Variants in CNTNAP5 observed in about 807,000 individuals in gnomAD.
CNTNAP5 encodes the protein contactin-associated protein-like 5.
Under a neutral mutation model 150.2 loss-of-function variants are expected in CNTNAP5, and 72 were observed. The ratio of observed to expected loss-of-function variants is 0.48; its 90% CI spans 0.40 to 0.58. The LOEUF (loss-of-function observed/expected upper bound fraction) is 0.58. Ranked by LOEUF, CNTNAP5 falls within the 20% of genes least tolerant of loss-of-function variation. The pLI is 0.00. For missense variants in CNTNAP5, 1,636 were observed against 1,626.2 expected (o/e 1.01, Z -0.10); for synonymous variants, 672 against 619.8 (o/e 1.08, Z -1.25).
chr2:124,088,981 G>A (rs1682759340), intron 1 of CNTNAP5, among the ~76,000 whole-genome samples: 1 of 152,090 alleles, frequency 6.6e-6, no homozygotes, highest in Admixed American at 6.5e-5. Flanking sequence ...TATTTCCCTG[G>A]CCAACTTCCT....
At chr2:124,166,565 G>C (rs1684813884) in intron 1 of CNTNAP5, among the ~76,000 whole-genome samples, 2 of 152,066 alleles carry the variant, frequency 1.3e-5, no homozygotes. Context: ...GTTATACCTT[G>C]TTCTCTTATT....
At position 124,276,135 on chromosome 2, in the gene CNTNAP5, C is replaced by T. The variant is rs1687879249; in HGVS notation, c.381+33742C>T. Among the ~76,000 whole-genome samples, 2 of 152,080 alleles carry T rather than the reference C, an allele frequency of 1.3e-5. 1 individual carries two copies. Among genetic ancestry groups the T allele is most frequent in the Admixed American group, 1.3e-4 (2 of 15,250 alleles). The stretch of plus-strand genomic sequence containing the variant: ...CTCCTGGGAAATATTTTAAGAGCCA[C>T]AAAAGCCAAAAGTATATGGAACAGC... On this transcript the variant is annotated intron_variant, in intron 3 of 23. Transcript: ENST00000682447.
At chr2:124,751,438 A>G (rs1051970001) in intron 14 of CNTNAP5, among the ~76,000 whole-genome samples, 1 of 152,238 alleles carries the variant, frequency 6.6e-6, no homozygotes, top group African/African-American at 2.4e-5. Flanking sequence ...GATTATGGGC[A>G]TACAATAAGT....
chr2:124,563,336 A>G lies in CNTNAP5; in HGVS notation c.1756+13A>G. 2.7e-6 allele frequency: 4 copies of G among 1,507,186 alleles called. No individual in the cohort carries two copies. Among genetic ancestry groups the G allele is most frequent in the Non-Finnish European group, 3.6e-6 (4 of 1,104,692 alleles). The allele number at this position is 1,507,186 out of a possible 1,614,324, so 93.4% of individuals were successfully genotyped here. On this transcript the variant is annotated intron_variant, in intron 11 of 23. Coordinates refer to ENST00000682447, the MANE Select transcript of CNTNAP5 (RefSeq NM_001367498.1). ...ACCTGCCACAACTGTGAGTAGATTG[A>G]TCATTTGCCCCTGGTGGCTTGGACA...
At chr2:124,123,164 TGACA>T (rs1683608311) in intron 1 of CNTNAP5, among the ~76,000 whole-genome samples, 1 of 152,028 alleles carries the variant, frequency 6.6e-6, no homozygotes, top group Non-Finnish European at 1.5e-5. Context: ...AGGGAAGGCA[TGACA>T]GACAGTACCT....
intron 1 of CNTNAP5, among the ~76,000 whole-genome samples, chr2:124,111,158 A>G (rs1683289661): frequency 6.6e-6 from 1 of 152,216 alleles, no homozygotes; most frequent in Admixed American, 6.5e-5. Context: ...TCAAAAAATG[A>G]AATGAAATTT....
At chr2:124,250,044 G>A (rs1466562888) in intron 3 of CNTNAP5, among the ~76,000 whole-genome samples, 1 of 151,892 alleles carries the variant, frequency 6.6e-6, no homozygotes, top group African/African-American at 2.4e-5. Context: ...GCTTTGAAGT[G>A]TGACATGGAT....
In CNTNAP5 at chr2:124,777,736, T is replaced by C. The variant is rs1033539684; in HGVS notation, c.2752+4719T>C. On this transcript the variant is annotated intron_variant, in intron 17 of 23. Coordinates refer to ENST00000682447, the MANE Select transcript of CNTNAP5 (RefSeq NM_001367498.1). ...GCTCATATTGTGATCTTTTGGTCTCTGTTGGATTGACAATGGACAATTGAA... is the reference window on the plus strand; with the variant it reads ...GCTCATATTGTGATCTTTTGGTCTCCGTTGGATTGACAATGGACAATTGAA... Among the ~76,000 whole-genome samples the C allele has an allele frequency of 2.6e-5, 4 of 151,888 alleles. No homozygotes were observed. In the South Asian group the frequency reaches 8.3e-4, roughly 32 times the overall value.
intron 1 of CNTNAP5, among the ~76,000 whole-genome samples, chr2:124,103,868 TATATA>T (rs2104699167): frequency 6.8e-6 from 1 of 147,792 alleles, no homozygotes; most frequent in African/African-American, 2.5e-5. Context: ...TAAATAAATT[TATATA>T]ATATAAATAT....
intron 3 of CNTNAP5, among the ~76,000 whole-genome samples, chr2:124,352,280 T>G (rs1689889782): frequency 6.6e-6 from 1 of 152,060 alleles, no homozygotes; most frequent in African/African-American, 2.4e-5. Flanking sequence ...AAGAAGAAAA[T>G]TAATATGAAG....
intron 13 of CNTNAP5, among the ~76,000 whole-genome samples, chr2:124,735,421 TACAAG>T (rs1444847225): frequency 7.4e-6 from 1 of 134,620 alleles, no homozygotes; most frequent in Admixed American, 7.6e-5. Flanking sequence ...CAATTATTTC[TACAAG>T]ACTTTTTTTT....
chr2:124,105,466 A>G (rs1163139506), intron 1 of CNTNAP5, among the ~76,000 whole-genome samples: 1 of 152,186 alleles, frequency 6.6e-6, no homozygotes, highest in Non-Finnish European at 1.5e-5. Context: ...AATCAGTGAA[A>G]AGAGTGGCAT....
chr2:124,811,710 G>GA (rs940549416), intron 19 of CNTNAP5, among the ~76,000 whole-genome samples: 24 of 150,332 alleles, frequency 1.6e-4, no homozygotes, highest in Admixed American at 2.7e-4. Flanking sequence ...AGGAGGCGGG[G>GA]GGGGTGGATC....
chr2:124,538,336 G>C (rs567731475), intron 10 of CNTNAP5, among the ~76,000 whole-genome samples: 5 of 152,144 alleles, frequency 3.3e-5, no homozygotes, highest in Non-Finnish European at 7.3e-5. Context: ...AAATTATCCA[G>C]GCATGGTGGC....
intron 12 of CNTNAP5, among the ~76,000 whole-genome samples, chr2:124,632,457 A>G (rs1414826132): frequency 6.6e-6 from 1 of 152,210 alleles, no homozygotes; most frequent in African/African-American, 2.4e-5. Context: ...TCAGGAACAG[A>G]AAACCAAACA....
At chr2:124,156,694 C>T (rs1400798216) in intron 1 of CNTNAP5, among the ~76,000 whole-genome samples, 2 of 152,150 alleles carry the variant, frequency 1.3e-5, no homozygotes, top group Non-Finnish European at 2.9e-5. Context: ...GGGGTTTCTC[C>T]ATGTTGGCCA....
Position 124,393,939 on chromosome 2 carries a change from G to A in CNTNAP5, c.382-23504G>A, listed in dbSNP as rs1281837291. ...AGCTTTAAGCTAGCGGTTTATCCTG[G>A]CTTCTAGTCACCAATATTTTAAAAT... is the stretch of plus-strand genomic sequence containing the variant. On this transcript the variant is annotated intron_variant, in intron 3 of 23. Transcript: ENST00000682447. Among the ~76,000 whole-genome samples, 6 of 152,132 alleles carry A rather than the reference G, an allele frequency of 3.9e-5. 1 individual carries two copies. The East Asian group carries it at 1.2e-3, about 29-fold the overall frequency.
At chr2:124,658,340 C>T (rs1678501851) in intron 13 of CNTNAP5, among the ~76,000 whole-genome samples, 1 of 152,138 alleles carries the variant, frequency 6.6e-6, no homozygotes. Context: ...CTCTTTGATA[C>T]TAGAGGCTTA....
At chr2:124,468,865 T>A (rs1196627121) in intron 6 of CNTNAP5, among the ~76,000 whole-genome samples, 1 of 152,176 alleles carries the variant, frequency 6.6e-6, no homozygotes, top group East Asian at 1.9e-4. Context: ...GTGGAACCCC[T>A]CTAGCCTTTC....
Sources: gnomAD v4.1 joint callset for allele counts (sites outside exome capture counted in the v4.1 genomes callset) on GRCh38, gnomAD v4.1.1 for gene constraint, MANE v1.5 for transcripts, NCBI Gene and HGNC (gene_info 2026-07-23, HGNC 2026-07-21) for gene names.